Variants in MCF2L observed in about 807,000 individuals in gnomAD.
The protein encoded by MCF2L is MCF.2 cell line derived transforming sequence like.
A neutral mutation model predicts 153.4 loss-of-function variants in MCF2L; 97 were observed. The ratio of observed to expected loss-of-function variants is 0.63; its 90% CI spans 0.54 to 0.75. The LOEUF is 0.75. MCF2L is among the 30% of genes least tolerant of loss of function. MCF2L has a pLI of 0.00. For synonymous variants in MCF2L, 659 were observed against 632.2 expected (o/e 1.04, Z -0.64); for missense variants, 1,347 against 1,495.2 (o/e 0.90, Z 1.64).
rs151190669 is a variant in MCF2L, at chr13:113,008,408, G to A, written c.80-6355G>A. 2.2e-4 allele frequency among the ~76,000 whole-genome samples: 34 copies of A among 152,278 alleles called. No homozygotes were observed. In the East Asian group the frequency reaches 4.8e-3, roughly 22 times the overall value. ...ACCCTCATAGGAGTCCCACCTCTGC[G>A]GGCAGCTCAGAGCCTCCATGTTTTT... On this transcript the variant is annotated intron_variant, in intron 1 of 29. Transcript: ENST00000535094.
intron 15 of MCF2L, among the ~76,000 whole-genome samples, 170 bp downstream of exon 15, chr13:113,078,909 G>T (rs975343122): frequency 1.8e-4 from 27 of 152,358 alleles, no homozygotes; most frequent in Admixed American, 1.7e-3. Flanking sequence ...CGTGGCTCGA[G>T]CGTGTGTCCT....
At chr13:113,051,784 G>A (rs1428287437) in intron 4 of MCF2L, among the ~76,000 whole-genome samples, 2 of 152,184 alleles carry the variant, frequency 1.3e-5, no homozygotes, top group Non-Finnish European at 2.9e-5. Context: ...GTCCTGAGGC[G>A]ACGCGGGACC....
At chr13:113,041,470 A>G (rs2086482512) in intron 3 of MCF2L, among the ~76,000 whole-genome samples, 1 of 151,652 alleles carries the variant, frequency 6.6e-6, no homozygotes, top group Admixed American at 6.5e-5. Context: ...TGCCCCCGTG[A>G]CCACAGTCAG....
chr13:113,086,089 G>A lies in MCF2L; in HGVS notation c.2248-35G>A, dbSNP rs1450036780. ...TTCCAGGGGAGCCAGGGCTCTCCGTGTCCCGACGCGGTTGCCTCACCCCAT... is the reference window on the plus strand; with the variant it reads ...TTCCAGGGGAGCCAGGGCTCTCCGTATCCCGACGCGGTTGCCTCACCCCAT... On this transcript the variant is annotated intron_variant, in intron 20 of 29. Transcript: ENST00000535094. The A allele has an allele frequency of 1.9e-6, 3 of 1,585,148 alleles. No individual in the cohort carries two copies. In the African/African-American group the frequency reaches 4.1e-5, roughly 22 times the overall value.
rs1054793134 is a variant in MCF2L, at chr13:113,070,431, C to T, written c.996+258C>T. On this transcript the variant is annotated intron_variant, in intron 9 of 29. Transcript: ENST00000535094. This position sits in a 1 kb window ranked among gnomAD's most constrained non-coding sequence, Gnocchi z 5.6. ...TGGGATGCACTTACACTGCATTATTCGTAAAGTAGCAGGAAGCCTTTGCTC... is the reference window on the plus strand; with the variant it reads ...TGGGATGCACTTACACTGCATTATTTGTAAAGTAGCAGGAAGCCTTTGCTC... 7.3e-6 allele frequency: 2 copies of T among 275,226 alleles called. No individual in the cohort carries two copies. Among genetic ancestry groups the T allele is most frequent in the African/African-American group, 2.3e-5 (1 of 43,994 alleles). 17.0% of individuals were successfully genotyped at this position (275,226 alleles called of 1,614,324 possible).
chr13:112,968,589 A>C, upstream of MCF2L: 1 of 1,538,276 alleles, frequency 6.5e-7, no homozygotes, highest in Non-Finnish European at 8.7e-7. Context: ...GGACCCACGC[A>C]TGGACCCAGC....
intron 1 of MCF2L, among the ~76,000 whole-genome samples, chr13:112,992,380 G>T (rs935955896): frequency 1.3e-5 from 2 of 152,178 alleles, no homozygotes; most frequent in African/African-American, 4.8e-5. Flanking sequence ...AACCTCGACC[G>T]TGCTTCCTGA....
At chr13:113,001,784 C>A in intron 1 of MCF2L, 2 of 1,410,294 alleles carry the variant, frequency 1.4e-6, no homozygotes, top group Non-Finnish European at 1.8e-6. Flanking sequence ...GTCTGCCCAG[C>A]AAACCCAGGA....
chr13:112,971,504 A>C (rs1350393033), intron 1 of MCF2L, among the ~76,000 whole-genome samples: 1 of 152,150 alleles, frequency 6.6e-6, no homozygotes, highest in Non-Finnish European at 1.5e-5. Flanking sequence ...TGCCTCATTC[A>C]GCTGTGCAGA....
At chr13:112,928,421 G>C (rs2081429700) in intron 2 of MCF2L, among the ~76,000 whole-genome samples, 1 of 152,196 alleles carries the variant, frequency 6.6e-6, no homozygotes, top group Non-Finnish European at 1.5e-5. Context: ...GCGTGAATGT[G>C]CCTCGTTATA....
rs1211537230 is a variant in MCF2L at position 113,087,266 on chromosome 13, T to C, written c.2405T>C (p.Met802Thr). 1 of 1,612,426 alleles carries C rather than the reference T, an allele frequency of 6.2e-7. No homozygotes were observed. The highest frequency in any genetic ancestry group is 1.3e-5 in the African/African-American group (1 of 74,906). The part of the protein sequence containing the change: ...GNLGDLGKLL[M>T]QGSFSVWTDH... Reference sequence around the variant, plus strand: ...CTCGGCGACCTGGGCAAGCTGCTGATGCAGGGCTCGTTCAGCGTCTGGACC... The same window carrying C: ...CTCGGCGACCTGGGCAAGCTGCTGACGCAGGGCTCGTTCAGCGTCTGGACC... The change falls in exon 22 of 30, where the codon ATG (methionine) becomes ACG (threonine). Residue 802 changes from methionine (M) to threonine (T), a missense_variant. Met to Thr is a moderately conservative substitution (Grantham distance 81). Coordinates refer to ENST00000535094, the MANE Select transcript of MCF2L (RefSeq NM_001112732.3).
intron 4 of MCF2L, among the ~76,000 whole-genome samples, chr13:113,055,444 A>ACACC (rs2087697595): frequency 9.4e-6 from 1 of 105,862 alleles, no homozygotes; most frequent in African/African-American, 3.7e-5. Flanking sequence ...ACACACACAC[A>ACACC]CCTGGCTTCA....
At chr13:113,063,557 A>C (rs1227803016) in intron 5 of MCF2L, among the ~76,000 whole-genome samples, 1 of 151,904 alleles carries the variant, frequency 6.6e-6, no homozygotes, top group Non-Finnish European at 1.5e-5. Flanking sequence ...CAGGGTTTGG[A>C]TAAAATCTAG....
intron 4 of MCF2L, among the ~76,000 whole-genome samples, chr13:113,047,791 G>A (rs1307527773): frequency 2.6e-5 from 4 of 151,610 alleles, no homozygotes; most frequent in East Asian, 1.9e-4. Flanking sequence ...CTCACGCCTC[G>A]CTACGTGTGC....
At chr13:113,026,330 C>G (rs1421433933) in intron 3 of MCF2L, among the ~76,000 whole-genome samples, 1 of 152,040 alleles carries the variant, frequency 6.6e-6, no homozygotes, top group Non-Finnish European at 1.5e-5. Flanking sequence ...TGGGAGCCAT[C>G]ATTGAGTTCC....
intron 1 of MCF2L, among the ~76,000 whole-genome samples, chr13:112,996,999 A>T (rs887039344): frequency 3.2e-4 from 48 of 152,164 alleles, no homozygotes; most frequent in African/African-American, 1.1e-3. Context: ...CAGCTGTGGG[A>T]GCTGGGCCTA....
At chr13:113,055,370 C>CCA (rs1491580288) in intron 4 of MCF2L, among the ~76,000 whole-genome samples, 1 of 13,512 alleles carries the variant, frequency 7.4e-5, no homozygotes, top group African/African-American at 3.7e-4. Context: ...GAGACGTGGA[C>CCA]CCCCCCCCCC....
At position 113,070,216 on chromosome 13, in the gene MCF2L, C is replaced by G; in HGVS notation, c.996+43C>G. On this transcript the variant is annotated intron_variant, in intron 9 of 29. Coordinates refer to ENST00000535094, the MANE Select transcript of MCF2L (RefSeq NM_001112732.3). The surrounding 1 kb of genome is among the most constrained non-coding windows in gnomAD (Gnocchi z 5.6). Reference sequence around the variant, plus strand: ...GAGCCGGCAGCCGCCCTGATGCTCACGGGGCCTCCTGTGCCTGCGCCCTGG... The same window carrying G: ...GAGCCGGCAGCCGCCCTGATGCTCAGGGGGCCTCCTGTGCCTGCGCCCTGG... The G allele has an allele frequency of 7.3e-7, 1 of 1,368,482 alleles. No individual in the cohort carries two copies. The highest frequency in any genetic ancestry group is 9.9e-7 in the Non-Finnish European group (1 of 1,005,060). The allele number at this position is 1,368,482 out of a possible 1,614,324, so 84.8% of individuals were successfully genotyped here.
rs374447745 is a variant in MCF2L, at chr13:112,909,309, CG to C, written c.169+6940del. The C allele has an allele frequency of 1.0e-5, 8 of 779,608 alleles. No homozygotes were observed. In the African/African-American group the frequency reaches 1.4e-4, roughly 13 times the overall value. 48.3% of individuals were successfully genotyped at this position (779,608 alleles called of 1,614,324 possible). On this transcript the variant is annotated intron_variant, in intron 2 of 29. Transcript: ENST00000375608. ...TGTCCTGCCAGTCTCGGGAGGCACT[CG>C]GCAGTGTGAGTACATCCTTCACCTC...
Sources: allele counts gnomAD v4.1 joint callset (sites outside exome capture counted in the v4.1 genomes callset), GRCh38; gene constraint gnomAD v4.1.1; non-coding constraint Gnocchi (gnomAD v3.1); transcripts MANE v1.5; gene names NCBI Gene and HGNC (gene_info 2026-07-23, HGNC 2026-07-21).